Variants in TKFC observed in about 807,000 individuals in gnomAD.
TKFC encodes triokinase/FMN cyclase.
Under a neutral mutation model 61.0 loss-of-function variants are expected in TKFC, and 46 were observed. The observed-to-expected ratio is 0.75, with a 90% CI of 0.60 to 0.96. The LOEUF (loss-of-function observed/expected upper bound fraction) is 0.96. Ranked by LOEUF, TKFC falls within the 50% of genes least tolerant of loss-of-function variation. The pLI is 0.00. For synonymous variants in TKFC, 314 were observed against 330.1 expected, an observed-to-expected ratio of 0.95 and a Z score of 0.53; for missense variants, 715 against 777.5, an observed-to-expected ratio of 0.92 and a Z score of 0.96.
Position 61,343,984 on chromosome 11 carries a change from C to G in TKFC, c.1102+9C>G. 1 of 1,610,128 alleles carries G rather than the reference C, an allele frequency of 6.2e-7. No individual in the cohort carries two copies. The highest frequency in any genetic ancestry group is 8.5e-7 in the Non-Finnish European group (1 of 1,179,472). On this transcript the variant is annotated intron_variant, in intron 12 of 17. Transcript: ENST00000394900. Reference sequence around the variant, plus strand: ...TTCCACTGCTGCAGGAGGTACCAACCCCTGCCTTTGGGGAAGGGACAGGCT... The same window carrying G: ...TTCCACTGCTGCAGGAGGTACCAACGCCTGCCTTTGGGGAAGGGACAGGCT...
chr11:61,339,398 G>A lies in TKFC; in HGVS notation c.449G>A (p.Gly150Asp), dbSNP rs199709993. The change falls in exon 5 of 18, where the codon GGC becomes GAC. Residue 150 changes from glycine to aspartate, a missense_variant. Coordinates refer to ENST00000394900, the MANE Select transcript of TKFC (RefSeq NM_015533.4). ...DSAFTVLKKA[G>D]RRGLCGTVLI... The stretch of plus-strand genomic sequence containing the variant: ...GCCTTCACTGTCCTGAAGAAGGCAG[G>A]CCGGCGGGGGCTGTGCGGCACGGTG... 7 of 1,613,134 alleles carry A rather than the reference G, an allele frequency of 4.3e-6. No homozygotes were observed. Among genetic ancestry groups the A allele is most frequent in the Non-Finnish European group, 8.5e-7 (1 of 1,179,882 alleles).
chr11:61,344,552 C>A (rs1278720098), intron 13 of TKFC, among the ~76,000 whole-genome samples: 1 of 151,818 alleles, frequency 6.6e-6, no homozygotes, highest in African/African-American at 2.4e-5. Context: ...TTAGTGGAGA[C>A]GGGGTCTCGC....
chr11:61,339,404 G>C lies in TKFC; in HGVS notation c.455G>C (p.Arg152Pro), dbSNP rs185836791. The C allele has an allele frequency of 1.6e-4, 266 of 1,612,918 alleles. No individual in the cohort carries two copies. The highest frequency in any genetic ancestry group is 2.1e-4 in the Non-Finnish European group (253 of 1,179,796). ...ACTGTCCTGAAGAAGGCAGGCCGGC[G>C]GGGGCTGTGCGGCACGGTGCTTATA... ...AFTVLKKAGR[R>P]GLCGTVLIHK... is the part of the protein sequence containing the mutation. Residue 152 changes from arginine (R) to proline (P), a missense_variant, in exon 5 of 18, where the codon CGG (arginine) becomes CCG (proline). Arg to Pro is a moderately radical substitution (Grantham distance 103). Transcript: ENST00000394900.
intron 8 of TKFC, 28 bp from the exon 9 acceptor site, chr11:61,342,546 G>A (rs1489275128): frequency 6.2e-7 from 1 of 1,614,014 alleles, no homozygotes; most frequent in Admixed American, 1.7e-5. Flanking sequence ...CCCCCCAGAT[G>A]CAGCTCATTC....
chr11:61,352,918 G>C (rs1267398552), downstream of TKFC: 9 of 1,612,830 alleles, frequency 5.6e-6, no homozygotes, highest in South Asian at 9.9e-5. Context: ...TGTGATCACA[G>C]GGTGTATCTT....
intron 1 of TKFC, 51 bp from the exon 2 acceptor site, chr11:61,334,569 C>T (rs1856522457): frequency 3.4e-6 from 3 of 886,862 alleles, no homozygotes; most frequent in South Asian, 3.1e-5. Flanking sequence ...GTGATTGTGC[C>T]AGTCGACTGC....
intron 10 of TKFC, 61 bp downstream of exon 10, chr11:61,342,905 T>C (rs1431876271): frequency 4.9e-5 from 76 of 1,537,734 alleles, no homozygotes; most frequent in Admixed American, 1.5e-4. Context: ...GGGAGGGTCT[T>C]GTGATGGCAG....
rs1019548078 is a variant in TKFC at position 61,334,682 on chromosome 11, G to A, written c.-47G>A. 2 of 1,613,822 alleles carry A rather than the reference G, an allele frequency of 1.2e-6. No homozygotes were observed. The highest frequency in any genetic ancestry group is 8.5e-7 in the Non-Finnish European group (1 of 1,179,830). Reference sequence around the variant, plus strand: ...GCACAGGATTGTCCATCCTCCAGCAGCTCAGTGCAACGGTGTGAACTCAGC... The same window carrying A: ...GCACAGGATTGTCCATCCTCCAGCAACTCAGTGCAACGGTGTGAACTCAGC... On this transcript the variant is annotated 5_prime_UTR_variant, in exon 2 of 18. Coordinates refer to ENST00000394900, the MANE Select transcript of TKFC (RefSeq NM_015533.4).
chr11:61,334,488 A>G (rs150748379), intron 1 of TKFC, 132 bp from the exon 2 acceptor site: 19 of 530,736 alleles, frequency 3.6e-5, no homozygotes, highest in African/African-American at 3.4e-4. Flanking sequence ...CTCCATCCGT[A>G]GCCCATGTAC....
intron 3 of TKFC, among the ~76,000 whole-genome samples, chr11:61,338,714 C>G (rs1373572587): frequency 6.6e-6 from 1 of 152,184 alleles, no homozygotes; most frequent in African/African-American, 2.4e-5. Flanking sequence ...GGTCCCTGCC[C>G]TCGTGGAGCT....
Position 61,334,626 on chromosome 11 carries a change from C to T in TKFC, c.-103C>T, listed in dbSNP as rs1236077594. On this transcript the variant is annotated 5_prime_UTR_variant, in exon 2 of 18. Transcript: ENST00000394900. Reference sequence around the variant, plus strand: ...TCGTTACCCACTCCTGCAGGTGCTGCTGCTGCCTCCACTGTACTCAGACCC... The same window carrying T: ...TCGTTACCCACTCCTGCAGGTGCTGTTGCTGCCTCCACTGTACTCAGACCC... 5 of 1,504,778 alleles carry T rather than the reference C, an allele frequency of 3.3e-6. No individual in the cohort carries two copies. The highest frequency in any genetic ancestry group is 4.6e-6 in the Non-Finnish European group (5 of 1,087,668). The allele number at this position is 1,504,778 out of a possible 1,614,324, so 93.2% of individuals were successfully genotyped here. A position where few individuals can be genotyped will look rare whatever the true frequency, so the allele number is the denominator to read the frequency against.
intron 5 of TKFC, among the ~76,000 whole-genome samples, chr11:61,340,650 G>A (rs56126944): frequency 0.95 from 105,293 of 110,278 alleles, 50,660 homozygotes; most frequent in East Asian, 1. Context: ...CACCGCGCCC[G>A]GCCCCTGCCT....
chr11:61,339,421 G>C lies in TKFC; in HGVS notation c.472G>C (p.Val158Leu). The C allele has an allele frequency of 1.2e-6, 2 of 1,608,840 alleles. No homozygotes were observed. Among genetic ancestry groups the C allele is most frequent in the Middle Eastern group, 1.7e-4 (1 of 6,036 alleles). Reference sequence around the variant, plus strand: ...AGGCCGGCGGGGGCTGTGCGGCACGGTGCTTATACACAAGGTGGGCTTCCA... The same window carrying C: ...AGGCCGGCGGGGGCTGTGCGGCACGCTGCTTATACACAAGGTGGGCTTCCA... Reference protein sequence around the residue: ...KAGRRGLCGTVLIHKVAGALA... With the variant: ...KAGRRGLCGTLLIHKVAGALA... Residue 158 changes from valine (V) to leucine (L), a missense_variant, in exon 5 of 18, where the codon GTG becomes CTG. Val to Leu is a conservative substitution (Grantham distance 32). Coordinates refer to ENST00000394900, the MANE Select transcript of TKFC (RefSeq NM_015533.4).
At chr11:61,342,870 C>T in intron 10 of TKFC, 26 bp downstream of exon 10, 1 of 1,610,676 alleles carries the variant, frequency 6.2e-7, no homozygotes, top group Non-Finnish European at 8.5e-7. Context: ...GGAAGGGGAT[C>T]CTACAGCCCT....
chr11:61,334,884 G>A (rs1444653824), intron 2 of TKFC, among the ~76,000 whole-genome samples, 153 bp downstream of exon 2: 1 of 152,152 alleles, frequency 6.6e-6, no homozygotes, highest in African/African-American at 2.4e-5. Context: ...TCTCTCCCAG[G>A]GTCTGATCCC....
chr11:61,344,153 A>G lies in TKFC; in HGVS notation c.1120A>G (p.Met374Val). The G allele has an allele frequency of 6.2e-7, 1 of 1,612,276 alleles. No individual in the cohort carries two copies. The highest frequency in any genetic ancestry group is 8.5e-7 in the Non-Finnish European group (1 of 1,179,990). Residue 374 changes from methionine to valine, a missense_variant, in exon 13 of 18, where the codon ATG (methionine) becomes GTG (valine). Coordinates refer to ENST00000394900, the MANE Select transcript of TKFC (RefSeq NM_015533.4). The part of the protein sequence containing the change: ...TAAGGSASKR[M>V]ALVLERVCST... ...CTTTCTAGGCTCAGCCTCGAAGCGG[A>G]TGGCGCTGGTGCTGGAACGGGTGTG...
chr11:61,340,663 C>T (rs1343433408), intron 5 of TKFC, among the ~76,000 whole-genome samples: 1 of 148,280 alleles, frequency 6.7e-6, no homozygotes, highest in Non-Finnish European at 1.5e-5. Flanking sequence ...CCCTGCCTTC[C>T]TCTTATGGTC....
downstream of TKFC, chr11:61,350,410 C>A: frequency 1.2e-6 from 2 of 1,611,284 alleles, no homozygotes; most frequent in Non-Finnish European, 8.5e-7. Flanking sequence ...CACTCCCCAT[C>A]ATGCAGCAGG....
chr11:61,336,423 G>T (rs1054108751), intron 2 of TKFC: 3 of 152,950 alleles, frequency 2.0e-5, no homozygotes, highest in Non-Finnish European at 2.9e-5. Flanking sequence ...CTGAGTCCAC[G>T]TTGGGCCCCA....
Sources: allele counts gnomAD v4.1 joint callset (sites outside exome capture counted in the v4.1 genomes callset), GRCh38; gene constraint gnomAD v4.1.1; transcripts MANE v1.5; gene names NCBI Gene and HGNC (gene_info 2026-07-23, HGNC 2026-07-21).